DNAH11: variants seen among roughly 807,000 people sequenced by gnomAD.
DNAH11 encodes the protein axonemal beta dynein heavy chain 11.
A neutral mutation model predicts 526.0 loss-of-function variants in DNAH11; 442 were observed. That is an observed-to-expected ratio of 0.84 (90% CI 0.78 to 0.91). The LOEUF (loss-of-function observed/expected upper bound fraction) is 0.91. DNAH11 is among the 40% of genes least tolerant of loss of function. The pLI is 0.00. For missense variants in DNAH11, 6,989 were observed against 5,448.7 expected (o/e 1.28, Z -8.90); for synonymous variants, 2,461 against 1,935.9 (o/e 1.27, Z -7.12).
chr7:21,689,009 T>G (rs2033884), intron 34 of DNAH11, among the ~76,000 whole-genome samples: 45,657 of 151,972 alleles, frequency 0.3, 6,903 homozygotes, highest in East Asian at 0.5. Flanking sequence ...CTTGGACTGT[T>G]TACCTGTTGT....
At chr7:21,810,814 A>C (rs1433514892) in intron 63 of DNAH11, among the ~76,000 whole-genome samples, 1 of 152,110 alleles carries the variant, frequency 6.6e-6, no homozygotes, top group African/African-American at 2.4e-5. Flanking sequence ...AAATGGAAGG[A>C]GCATTTTAGG....
At chr7:21,887,353 C>T (rs187059425) in intron 76 of DNAH11, among the ~76,000 whole-genome samples, 35 of 152,160 alleles carry the variant, frequency 2.3e-4, no homozygotes, top group African/African-American at 7.5e-4. Context: ...TATTTGGCAG[C>T]GTTAATTAAG....
intron 35 of DNAH11, among the ~76,000 whole-genome samples, chr7:21,696,773 G>A (rs1783870156): frequency 6.6e-6 from 1 of 152,146 alleles, no homozygotes; most frequent in Admixed American, 6.5e-5. Context: ...GGGAACATCA[G>A]TCTGCCTCTC....
chr7:21,686,236 A>T (rs1305895723), intron 32 of DNAH11, among the ~76,000 whole-genome samples: 2 of 152,190 alleles, frequency 1.3e-5, no homozygotes, highest in Non-Finnish European at 2.9e-5. Context: ...ATAGAGGAGA[A>T]AACTGAGGTG....
intron 56 of DNAH11, among the ~76,000 whole-genome samples, chr7:21,777,811 G>C (rs1416144276): frequency 6.6e-6 from 1 of 152,192 alleles, no homozygotes; most frequent in Non-Finnish European, 1.5e-5. Context: ...AGCAGCCATA[G>C]TAGTAATCAT....
At chr7:21,764,488 A>G (rs970403545) in intron 54 of DNAH11, among the ~76,000 whole-genome samples, 1 of 35,316 alleles carries the variant, frequency 2.8e-5, no homozygotes, top group African/African-American at 5.8e-5. Context: ...TCTCCCTCTT[A>G]GACCTTACTC....
At chr7:21,577,234 T>G (rs1446618367) in intron 8 of DNAH11, among the ~76,000 whole-genome samples, 1 of 152,192 alleles carries the variant, frequency 6.6e-6, no homozygotes, top group Non-Finnish European at 1.5e-5. Context: ...AAAGAAGATT[T>G]GTAAGCCATC....
In DNAH11 at chr7:21,890,005, A is replaced by G. The variant is rs565233723; in HGVS notation, c.12508-2420A>G. 2.8e-4 allele frequency among the ~76,000 whole-genome samples: 42 copies of G among 152,324 alleles called. No homozygotes were observed. In the East Asian group the frequency reaches 2.9e-3, roughly 10 times the overall value. On this transcript the variant is annotated intron_variant, in intron 76 of 81. Transcript: ENST00000409508. ...TTTTGTTTGTTTTTTCCTTCTAGAAAAAGCAAGATATACTAAAATCAAGTC... is the reference window on the plus strand; with the variant it reads ...TTTTGTTTGTTTTTTCCTTCTAGAAGAAGCAAGATATACTAAAATCAAGTC...
At chr7:21,734,431 T>C (rs1315076055) in intron 45 of DNAH11, among the ~76,000 whole-genome samples, 1 of 152,186 alleles carries the variant, frequency 6.6e-6, no homozygotes, top group Non-Finnish European at 1.5e-5. Flanking sequence ...AGCTCGAATA[T>C]TTTTTAAAGA....
intron 46 of DNAH11, among the ~76,000 whole-genome samples, chr7:21,738,277 T>C (rs1484900603): frequency 6.6e-6 from 1 of 152,214 alleles, no homozygotes; most frequent in Non-Finnish European, 1.5e-5. Context: ...AGAAGACAGG[T>C]ATGGGAGACT....
At chr7:21,634,821 G>T (rs1213422257) in intron 25 of DNAH11, among the ~76,000 whole-genome samples, 2 of 151,848 alleles carry the variant, frequency 1.3e-5, no homozygotes, top group African/African-American at 2.4e-5. Context: ...CAAAATAAAT[G>T]TTGGAAGGGA....
intron 26 of DNAH11, among the ~76,000 whole-genome samples, chr7:21,636,482 C>T (rs755927219): frequency 1.3e-5 from 2 of 151,952 alleles, no homozygotes; most frequent in Non-Finnish European, 2.9e-5. Flanking sequence ...CACCTATAAT[C>T]CCAGCCTTTT....
In DNAH11 at chr7:21,684,152, C is replaced by T. The variant is rs546301917; in HGVS notation, c.5621+208C>T. ...AGTGGATTAATATGGCTCAAGGAAGCATTGTTGATTCTGCCTAGTTATCTA... is the reference window on the plus strand; with the variant it reads ...AGTGGATTAATATGGCTCAAGGAAGTATTGTTGATTCTGCCTAGTTATCTA... On this transcript the variant is annotated intron_variant, in intron 32 of 81. Transcript: ENST00000409508. Among the ~76,000 whole-genome samples, 5 of 152,308 alleles carry T rather than the reference C, an allele frequency of 3.3e-5. 1 individual carries two copies. Among genetic ancestry groups the T allele is most frequent in the African/African-American group, 1.2e-4 (5 of 41,566 alleles).
At chr7:21,701,057 T>A (rs1406641951) in intron 36 of DNAH11, among the ~76,000 whole-genome samples, 1 of 152,082 alleles carries the variant, frequency 6.6e-6, no homozygotes, top group East Asian at 1.9e-4. Context: ...TGTATACCTA[T>A]GTAACAAATG....
At chr7:21,562,719 T>TA (rs146531918) in intron 5 of DNAH11, among the ~76,000 whole-genome samples, 18,955 of 152,000 alleles carry the variant, frequency 0.12, 2,003 homozygotes, top group East Asian at 0.32. Context: ...ACCTACTAGA[T>TA]ACGATTATAT....
chr7:21,730,577 AAAAT>A (rs1421070571), intron 45 of DNAH11, among the ~76,000 whole-genome samples: 2 of 152,190 alleles, frequency 1.3e-5, no homozygotes, highest in African/African-American at 4.8e-5. Flanking sequence ...GACATTAAGT[AAAAT>A]AAATCAGACA....
At chr7:21,877,870 A>G (rs1407895533) in intron 74 of DNAH11, among the ~76,000 whole-genome samples, 3 of 91,756 alleles carry the variant, frequency 3.3e-5, no homozygotes, top group African/African-American at 7.0e-5. Context: ...GGGAGACTCC[A>G]TCTCAAAAAA....
intron 9 of DNAH11, among the ~76,000 whole-genome samples, chr7:21,583,116 C>T (rs1216706927): frequency 6.6e-6 from 1 of 152,126 alleles, no homozygotes; most frequent in Non-Finnish European, 1.5e-5. Context: ...TGAAAAAGAG[C>T]ATGTATAGCC....
At chr7:21,841,565 G>A (rs963270151) in intron 65 of DNAH11, among the ~76,000 whole-genome samples, 1 of 151,818 alleles carries the variant, frequency 6.6e-6, no homozygotes, top group Non-Finnish European at 1.5e-5. Context: ...CATGTTAGGT[G>A]AGCTGGAATG....
Sources: allele counts gnomAD v4.1 joint callset (sites outside exome capture counted in the v4.1 genomes callset), GRCh38; gene constraint gnomAD v4.1.1; transcripts MANE v1.5; gene names NCBI Gene and HGNC (gene_info 2026-07-23, HGNC 2026-07-21).